The following CNOT6 variants were observed in gnomAD, a reference collection of about 807,000 sequenced individuals.
CNOT6 encodes CCR4-NOT transcription complex subunit 6, also known as carbon catabolite repression 4 protein.
A neutral mutation model predicts 61.2 loss-of-function variants in CNOT6; 12 were observed. That is an observed-to-expected ratio of 0.20 (90% CI 0.13 to 0.32). The LOEUF (loss-of-function observed/expected upper bound fraction) is 0.32. Ranked by LOEUF, CNOT6 falls within the 10% of genes least tolerant of loss-of-function variation. The pLI, the probability that CNOT6 is intolerant of heterozygous loss-of-function variation, is 1.00. For missense variants in CNOT6, 405 were observed against 663.9 expected (o/e 0.61, Z 4.28); for synonymous variants, 225 against 240.6 (o/e 0.94, Z 0.60).
chr5:180,549,677 G>C (rs1317901593), intron 2 of CNOT6, among the ~76,000 whole-genome samples: 1 of 151,782 alleles, frequency 6.6e-6, no homozygotes, highest in Non-Finnish European at 1.5e-5. Context: ...TTATTTTTGT[G>C]CTCCTAAAAA....
intron 1 of CNOT6, among the ~76,000 whole-genome samples, chr5:180,497,621 G>A (rs1756673030): frequency 1.3e-5 from 2 of 152,050 alleles, no homozygotes; most frequent in Non-Finnish European, 2.9e-5. Flanking sequence ...GTCCTAATAG[G>A]CTCAGCTAAA....
At chr5:180,511,778 T>C (rs562889693) in intron 1 of CNOT6, among the ~76,000 whole-genome samples, 2 of 151,400 alleles carry the variant, frequency 1.3e-5, no homozygotes, top group South Asian at 4.2e-4. Flanking sequence ...AAAAAAAAAA[T>C]AATTTTAAAA....
At chr5:180,539,467 T>C (rs1209935498) in intron 2 of CNOT6, among the ~76,000 whole-genome samples, 1 of 151,268 alleles carries the variant, frequency 6.6e-6, no homozygotes, top group Admixed American at 6.6e-5. Flanking sequence ...TAGGTAATAG[T>C]TTTTTGGGCA....
intron 1 of CNOT6, among the ~76,000 whole-genome samples, chr5:180,497,801 T>C (rs1756681762): frequency 6.6e-6 from 1 of 152,134 alleles, no homozygotes; most frequent in Non-Finnish European, 1.5e-5. Flanking sequence ...CCCAGCACTT[T>C]GGGAGGCCGA....
chr5:180,530,773 A>C (rs2127721883), intron 2 of CNOT6, among the ~76,000 whole-genome samples: 1 of 152,296 alleles, frequency 6.6e-6, no homozygotes, highest in South Asian at 2.1e-4. Flanking sequence ...ATGACTCTTA[A>C]GGAGCATGCT....
At chr5:180,521,234 G>A (rs1757865966) in intron 1 of CNOT6, among the ~76,000 whole-genome samples, 1 of 152,160 alleles carries the variant, frequency 6.6e-6, no homozygotes, top group South Asian at 2.1e-4. Context: ...GCAGTTAAGA[G>A]GAAGAGGAAA....
intron 2 of CNOT6, among the ~76,000 whole-genome samples, chr5:180,544,090 C>T (rs1759185204): frequency 6.6e-6 from 1 of 152,228 alleles, no homozygotes; most frequent in Admixed American, 6.5e-5. Context: ...GGATTACAGG[C>T]GTGAGCCACC....
rs1758187237 is a variant in CNOT6 at position 180,528,123 on chromosome 5, T to TC, written c.-2-1151dup. ...TTAAAAATTTTCCACTGATTTTTTT[T>TC]CACACTTAATGGTTTTATTAACCAT... is the stretch of plus-strand genomic sequence containing the variant. On this transcript the variant is annotated intron_variant, in intron 1 of 11. Coordinates refer to ENST00000261951, the MANE Select transcript of CNOT6 (RefSeq NM_001370472.1). Among the ~76,000 whole-genome samples the TC allele has an allele frequency of 2.0e-5, 3 of 152,294 alleles. No individual in the cohort carries two copies. The South Asian group carries it at 6.2e-4, about 32-fold the overall frequency.
At chr5:180,560,281 T>G (rs569392140) in intron 4 of CNOT6, among the ~76,000 whole-genome samples, 78 of 152,306 alleles carry the variant, frequency 5.1e-4, no homozygotes, top group Non-Finnish European at 8.8e-4. Flanking sequence ...TTTAGAAAAC[T>G]TAAGGAAATC....
At chr5:180,518,186 T>G (rs1034596516) in intron 1 of CNOT6, among the ~76,000 whole-genome samples, 2 of 152,258 alleles carry the variant, frequency 1.3e-5, no homozygotes, top group Non-Finnish European at 2.9e-5. Flanking sequence ...TGATTCTTAC[T>G]GCTCAAATGG....
intron 1 of CNOT6, among the ~76,000 whole-genome samples, chr5:180,500,244 G>A (rs1756810021): frequency 6.6e-6 from 1 of 151,570 alleles, no homozygotes; most frequent in Admixed American, 6.6e-5. Flanking sequence ...CTGAGTACCT[G>A]GTATCACAGG....
At chr5:180,553,217 T>TTG (rs1200133749) in intron 3 of CNOT6, among the ~76,000 whole-genome samples, 169 bp from the exon 4 acceptor site, 9 of 146,820 alleles carry the variant, frequency 6.1e-5, no homozygotes, top group African/African-American at 2.3e-4. Context: ...TCTCTGGCAG[T>TTG]TTTTTTTTTT....
At chr5:180,535,071 T>C (rs13155576) in intron 2 of CNOT6, among the ~76,000 whole-genome samples, 7,611 of 45,676 alleles carry the variant, frequency 0.17, 1,469 homozygotes, top group Middle Eastern at 0.39. Context: ...GAGAGGCCCT[T>C]GGAATCCACC....
intron 1 of CNOT6, among the ~76,000 whole-genome samples, chr5:180,507,210 A>G (rs189489086): frequency 3.7e-4 from 57 of 152,308 alleles, no homozygotes; most frequent in Admixed American, 9.2e-4. Context: ...CCAAGATGAT[A>G]CTAAGGAGGT....
At chr5:180,501,073 T>C (rs1756847783) in intron 1 of CNOT6, among the ~76,000 whole-genome samples, 1 of 152,140 alleles carries the variant, frequency 6.6e-6, no homozygotes, top group South Asian at 2.1e-4. Flanking sequence ...GTAGGGTTTT[T>C]CTTAAAGTGT....
chr5:180,555,669 C>T (rs1477554682), intron 4 of CNOT6, among the ~76,000 whole-genome samples: 2 of 152,198 alleles, frequency 1.3e-5, no homozygotes, highest in Non-Finnish European at 2.9e-5. Flanking sequence ...GGTAGAGCTG[C>T]TGCTTTACTT....
chr5:180,561,356 TTGTGTGTGTGTGTGTG>T (rs35909953), intron 4 of CNOT6, among the ~76,000 whole-genome samples: 6 of 144,748 alleles, frequency 4.1e-5, no homozygotes, highest in Admixed American at 6.9e-5. Flanking sequence ...CTTGTGTGTT[TTGTGTGTGTGTGTGTG>T]TGTGTGTGTG....
chr5:180,541,614 G>A (rs147717805), intron 2 of CNOT6, among the ~76,000 whole-genome samples: 2,868 of 150,266 alleles, frequency 0.019, 38 homozygotes, highest in Non-Finnish European at 0.027. Flanking sequence ...CATCACGCCT[G>A]GCTAATTTTT....
chr5:180,496,962 A>G (rs538283142), intron 1 of CNOT6, among the ~76,000 whole-genome samples: 9 of 152,380 alleles, frequency 5.9e-5, no homozygotes, highest in African/African-American at 2.2e-4. Context: ...AGGTTGGTTT[A>G]TAGAACTTGG....
Sources: allele counts gnomAD v4.1 joint callset (sites outside exome capture counted in the v4.1 genomes callset), GRCh38; gene constraint gnomAD v4.1.1; transcripts MANE v1.5; gene names NCBI Gene and HGNC (gene_info 2026-07-23, HGNC 2026-07-21).